MYO1D: variants seen among roughly 807,000 people sequenced by gnomAD.
The protein encoded by MYO1D is myosin ID.
MYO1D carries 83 observed loss-of-function variants against 122.0 expected under a neutral mutation model. The observed-to-expected ratio is 0.68, with a 90% CI of 0.57 to 0.82. The LOEUF is 0.82. Among genes scored for constraint, MYO1D ranks in the 40% least tolerant of loss-of-function variants. The pLI is 0.00. For missense variants in MYO1D, 1,157 were observed against 1,269.5 expected (o/e 0.91, Z 1.35); for synonymous variants, 464 against 446.9 (o/e 1.04, Z -0.48).
chr17:32,592,408 T>A lies in MYO1D; in HGVS notation c.2864+12679A>T, dbSNP rs182077392. ...TCTTCTTTCACTTAGCAACATGCACTTAAGATGGATGCATCAATGTTGTTG... is the reference window on the plus strand; with the variant it reads ...TCTTCTTTCACTTAGCAACATGCACATAAGATGGATGCATCAATGTTGTTG... On this transcript the variant is annotated intron_variant, in intron 21 of 21. Coordinates refer to ENST00000318217, the MANE Select transcript of MYO1D (RefSeq NM_015194.3). Among the ~76,000 whole-genome samples, 17 of 152,358 alleles carry A rather than the reference T, an allele frequency of 1.1e-4. No homozygotes were observed. In the East Asian group the frequency reaches 1.3e-3, roughly 12 times the overall value.
intron 19 of MYO1D, among the ~76,000 whole-genome samples, chr17:32,653,186 A>T (rs2088421396): frequency 6.6e-6 from 1 of 152,136 alleles, no homozygotes; most frequent in Non-Finnish European, 1.5e-5. Context: ...TATAAAAAGT[A>T]CTAAATGACA....
intron 1 of MYO1D, among the ~76,000 whole-genome samples, chr17:32,825,546 G>A (rs1368980680): frequency 6.6e-6 from 1 of 152,096 alleles, no homozygotes; most frequent in East Asian, 1.9e-4. Context: ...ATCCACCTTC[G>A]CCTCTCAAAT....
In MYO1D at chr17:32,876,909, C is replaced by T; in HGVS notation, c.-37G>A. 2 of 1,361,998 alleles carry T rather than the reference C, an allele frequency of 1.5e-6. No homozygotes were observed. Among genetic ancestry groups the T allele is most frequent in the African/African-American group, 1.5e-5 (1 of 65,620 alleles). 84.4% of individuals were successfully genotyped at this position (1,361,998 alleles called of 1,614,324 possible). A position where few individuals can be genotyped will look rare whatever the true frequency, so the allele number is the denominator to read the frequency against. On this transcript the variant is annotated 5_prime_UTR_variant, in exon 1 of 22. Coordinates refer to ENST00000318217, the MANE Select transcript of MYO1D (RefSeq NM_015194.3). ...GGGGGCTCAGGTGGGCGCGCTCGGGCCTCCGGGGCCGCTCCGTGGGCCCGC... is the reference window on the plus strand; with the variant it reads ...GGGGGCTCAGGTGGGCGCGCTCGGGTCTCCGGGGCCGCTCCGTGGGCCCGC...
intron 13 of MYO1D, among the ~76,000 whole-genome samples, chr17:32,741,717 T>A (rs1177160744): frequency 6.6e-6 from 1 of 152,214 alleles, no homozygotes; most frequent in Non-Finnish European, 1.5e-5. Context: ...TGGCTCTCCA[T>A]ATCCATGGCT....
chr17:32,552,444 C>T (rs1350027672), intron 21 of MYO1D, among the ~76,000 whole-genome samples: 2 of 151,650 alleles, frequency 1.3e-5, no homozygotes, highest in Non-Finnish European at 3.0e-5. Flanking sequence ...ATCCATCCAT[C>T]CATCCATCCA....
In MYO1D at chr17:32,553,159, C is replaced by T. The variant is rs79714612; in HGVS notation, c.2864+51928G>A. On this transcript the variant is annotated intron_variant, in intron 21 of 21. Transcript: ENST00000318217. ...TCATAGGCTGTGTTGGGATATGTCC[C>T]TGGTGAATGTTGAGTTAACTCTTCC... Among the ~76,000 whole-genome samples the T allele has an allele frequency of 9.6e-3, 1,457 of 152,014 alleles. 27 individuals are homozygous for T. Among genetic ancestry groups the T allele is most frequent in the East Asian group, 0.04 (208 of 5,168 alleles).
At chr17:32,725,101 T>C (rs892810974) in intron 14 of MYO1D, among the ~76,000 whole-genome samples, 4 of 151,828 alleles carry the variant, frequency 2.6e-5, no homozygotes, top group Non-Finnish European at 4.4e-5. Flanking sequence ...CAAAAGACAA[T>C]AATGAGAATT....
chr17:32,666,744 G>A (rs779463249), intron 16 of MYO1D, among the ~76,000 whole-genome samples: 6 of 152,108 alleles, frequency 3.9e-5, no homozygotes, highest in African/African-American at 7.2e-5. Flanking sequence ...GTCATTATGG[G>A]CATTGGGGGC....
intron 1 of MYO1D, chr17:32,830,137 C>T (rs537990823): frequency 2.6e-5 from 4 of 151,994 alleles, no homozygotes; most frequent in African/African-American, 7.2e-5. Flanking sequence ...TGAGGTAAAC[C>T]GAGAAAGTGA....
intron 21 of MYO1D, among the ~76,000 whole-genome samples, chr17:32,603,101 G>C (rs2087581608): frequency 6.7e-6 from 1 of 150,300 alleles, no homozygotes; most frequent in Non-Finnish European, 1.5e-5. Context: ...AAAATTCCTA[G>C]CATCTTGATA....
chr17:32,792,854 G>A (rs1220117677), intron 1 of MYO1D, among the ~76,000 whole-genome samples: 1 of 151,984 alleles, frequency 6.6e-6, no homozygotes, highest in Non-Finnish European at 1.5e-5. Flanking sequence ...ATGCTGTCCA[G>A]GCTGGTCTGG....
chr17:32,673,013 A>AG (rs1281384768), intron 16 of MYO1D, among the ~76,000 whole-genome samples: 1 of 148,894 alleles, frequency 6.7e-6, no homozygotes, highest in Non-Finnish European at 1.5e-5. Context: ...AAGAAAAAAA[A>AG]GTCTCTTTAT....
intron 1 of MYO1D, among the ~76,000 whole-genome samples, chr17:32,874,892 A>T (rs1467192517): frequency 6.6e-6 from 1 of 152,228 alleles, no homozygotes; most frequent in Non-Finnish European, 1.5e-5. Context: ...TGCTTTAAAA[A>T]AAAAAGCAGA....
intron 12 of MYO1D, among the ~76,000 whole-genome samples, chr17:32,748,307 G>A (rs1555536673): frequency 6.6e-6 from 1 of 152,124 alleles, no homozygotes; most frequent in Non-Finnish European, 1.5e-5. Flanking sequence ...ATGTACAGGA[G>A]TTATTCTCAC....
intron 1 of MYO1D, among the ~76,000 whole-genome samples, chr17:32,819,223 G>C (rs191414277): frequency 6.8e-6 from 1 of 146,568 alleles, no homozygotes; most frequent in Admixed American, 6.8e-5. Context: ...TTTTTTTTTC[G>C]GTCTGGATAG....
chr17:32,814,355 A>G (rs1407293760), intron 1 of MYO1D, among the ~76,000 whole-genome samples: 13 of 152,206 alleles, frequency 8.5e-5, no homozygotes, highest in Admixed American at 8.5e-4. Flanking sequence ...GAAAACAAAA[A>G]CAAAAACAAA....
chr17:32,621,789 T>C (rs1179248803), intron 20 of MYO1D, among the ~76,000 whole-genome samples: 1 of 152,116 alleles, frequency 6.6e-6, no homozygotes, highest in African/African-American at 2.4e-5. Context: ...GGGAGGTAAT[T>C]AGGTCATGAG....
At position 32,764,992 on chromosome 17, in the gene MYO1D, C is replaced by T; in HGVS notation, c.921G>A (p.Lys307=). ...GAAGGGCTTTCTCAACCATATCTGTCTTAGTAGAGAGCAATTCTGCTATGA... is the reference window on the plus strand; with the variant it reads ...GAAGGGCTTTCTCAACCATATCTGTTTTAGTAGAGAGCAATTCTGCTATGA... ...VSIIAELLST[K]TDMVEKALLY... The change falls in exon 8 of 22, where the codon AAG becomes AAA. Residue 307 remains lysine (K), a synonymous_variant. Transcript: ENST00000318217. 1 of 1,614,134 alleles carries T rather than the reference C, an allele frequency of 6.2e-7. No homozygotes were observed. The highest frequency in any genetic ancestry group is 8.5e-7 in the Non-Finnish European group (1 of 1,180,018).
intron 1 of MYO1D, among the ~76,000 whole-genome samples, chr17:32,783,998 G>T (rs1186749994): frequency 2.0e-5 from 3 of 152,186 alleles, no homozygotes; most frequent in Admixed American, 1.3e-4. Context: ...AAGGAGTGGA[G>T]AACAGGAAAG....
Sources: gnomAD v4.1 joint callset for allele counts (sites outside exome capture counted in the v4.1 genomes callset) on GRCh38, gnomAD v4.1.1 for gene constraint, MANE v1.5 for transcripts, NCBI Gene and HGNC (gene_info 2026-07-23, HGNC 2026-07-21) for gene names.